PPARGC1A: variants seen among roughly 807,000 people sequenced by gnomAD.
PPARGC1A encodes PPARG coactivator 1 alpha.
A neutral mutation model predicts 88.7 loss-of-function variants in PPARGC1A; 25 were observed. The observed-to-expected ratio is 0.28, with a 90% confidence interval of 0.21 to 0.39. The LOEUF is 0.39. PPARGC1A is among the 10% of genes least tolerant of loss of function. The pLI is 1.00. For synonymous variants in PPARGC1A, 363 were observed against 355.6 expected (o/e 1.02, Z -0.24); for missense variants, 880 against 968.7 (o/e 0.91, Z 1.22).
At chr4:24,125,813 G>A in the PPARGC1A span, among the ~76,000 whole-genome samples, 2 of 152,268 alleles carry the variant, frequency 1.3e-5, no homozygotes, top group African/African-American at 4.8e-5. Context: ...CTTGAGGTGA[G>A]GCTGCAAGGA....
At chr4:24,246,451 C>G in the PPARGC1A span, among the ~76,000 whole-genome samples, 22 of 151,988 alleles carry the variant, frequency 1.4e-4, no homozygotes, top group Non-Finnish European at 2.8e-4. Flanking sequence ...TGGTGAAACC[C>G]CCTCTCTACA....
the PPARGC1A span, among the ~76,000 whole-genome samples, chr4:23,974,864 C>A: frequency 1.6e-5 from 2 of 121,760 alleles, no homozygotes; most frequent in Non-Finnish European, 3.2e-5. Context: ...ACAGTGTTTG[C>A]CAGGATGGTC....
At chr4:24,224,769 G>A in the PPARGC1A span, among the ~76,000 whole-genome samples, 1 of 152,194 alleles carries the variant, frequency 6.6e-6, no homozygotes, top group African/African-American at 2.4e-5. Flanking sequence ...AAGCCATGGA[G>A]AAGTGCAAGA....
chr4:24,297,187 C>T, the PPARGC1A span, among the ~76,000 whole-genome samples: 4 of 152,142 alleles, frequency 2.6e-5, no homozygotes, highest in African/African-American at 9.7e-5. Flanking sequence ...ATTTAATAAA[C>T]ACCTACTATA....
the PPARGC1A span, among the ~76,000 whole-genome samples, chr4:23,999,342 C>G: frequency 1.3e-5 from 2 of 152,318 alleles, no homozygotes; most frequent in African/African-American, 4.8e-5. Context: ...GAAGCTGAAT[C>G]GTACAACAGC....
intron 1 of PPARGC1A, among the ~76,000 whole-genome samples, chr4:23,885,856 A>G (rs918617192): frequency 1.3e-5 from 2 of 152,214 alleles, no homozygotes; most frequent in Non-Finnish European, 2.9e-5. Context: ...GGTTTAAAAT[A>G]TCTCTACCAT....
chr4:24,394,656 T>G, the PPARGC1A span, among the ~76,000 whole-genome samples: 1 of 152,322 alleles, frequency 6.6e-6, no homozygotes, highest in South Asian at 2.1e-4. Context: ...ACGCTGTATG[T>G]TTTCCATACT....
At chr4:23,842,481 A>C (rs1727228104) in intron 2 of PPARGC1A, among the ~76,000 whole-genome samples, 1 of 152,130 alleles carries the variant, frequency 6.6e-6, no homozygotes. Context: ...CATAGACAGA[A>C]ATGCAGATTT....
the PPARGC1A span, among the ~76,000 whole-genome samples, chr4:24,114,280 C>G: frequency 6.6e-6 from 1 of 152,156 alleles, no homozygotes; most frequent in Non-Finnish European, 1.5e-5. Context: ...CTGGATCTTA[C>G]AGCGGAAACT....
chr4:24,077,036 T>C, the PPARGC1A span, among the ~76,000 whole-genome samples: 2 of 152,102 alleles, frequency 1.3e-5, no homozygotes, highest in Non-Finnish European at 2.9e-5. Flanking sequence ...AAAAGTTCTT[T>C]GCCAAAACCA....
intron 5 of PPARGC1A, among the ~76,000 whole-genome samples, chr4:23,824,839 G>A (rs1487306891): frequency 6.6e-6 from 1 of 152,072 alleles, no homozygotes. Context: ...TACACGGTTT[G>A]TTTAGACAAG....
chr4:24,099,398 G>T, the PPARGC1A span, among the ~76,000 whole-genome samples: 1 of 151,688 alleles, frequency 6.6e-6, no homozygotes, highest in South Asian at 2.1e-4. Context: ...AACACTCCTA[G>T]GAGGGGTAGC....
chr4:24,060,425 A>C, the PPARGC1A span, among the ~76,000 whole-genome samples: 1 of 152,220 alleles, frequency 6.6e-6, no homozygotes, highest in Admixed American at 6.5e-5. Flanking sequence ...TAGAATTTCT[A>C]GTAACTCTAC....
the PPARGC1A span, among the ~76,000 whole-genome samples, chr4:24,256,406 G>C: frequency 1.3e-5 from 2 of 152,174 alleles, no homozygotes; most frequent in African/African-American, 4.8e-5. Flanking sequence ...AGACAAAAAG[G>C]TTCAGAGCTG....
the PPARGC1A span, among the ~76,000 whole-genome samples, chr4:24,464,713 T>A: frequency 6.6e-6 from 1 of 152,304 alleles, no homozygotes; most frequent in African/African-American, 2.4e-5. Flanking sequence ...CAATCAGACG[T>A]GCACACTACA....
the PPARGC1A span, among the ~76,000 whole-genome samples, chr4:24,361,073 C>T: frequency 6.6e-6 from 1 of 152,148 alleles, no homozygotes; most frequent in Non-Finnish European, 1.5e-5. Context: ...CTGCATAAGG[C>T]ATTCAGGTGA....
chr4:24,205,255 G>C, the PPARGC1A span, among the ~76,000 whole-genome samples: 2 of 152,154 alleles, frequency 1.3e-5, no homozygotes, highest in African/African-American at 4.8e-5. Flanking sequence ...CATCTTAAAA[G>C]CATCACCCAG....
the PPARGC1A span, among the ~76,000 whole-genome samples, chr4:24,101,454 A>AT: frequency 2.0e-5 from 3 of 152,196 alleles, no homozygotes; most frequent in Admixed American, 2.0e-4. Flanking sequence ...TTTATTTCAG[A>AT]TTTTAAGTGT....
chr4:24,142,134 T>C, the PPARGC1A span, among the ~76,000 whole-genome samples: 1 of 152,208 alleles, frequency 6.6e-6, no homozygotes, highest in Non-Finnish European at 1.5e-5. Context: ...ATCATAGTGT[T>C]GAGGCATAAT....
Sources: allele counts gnomAD v4.1 joint callset (sites outside exome capture counted in the v4.1 genomes callset), GRCh38; gene constraint gnomAD v4.1.1; transcripts MANE v1.5; gene names NCBI Gene and HGNC (gene_info 2026-07-23, HGNC 2026-07-21).